DSC3: variants seen among roughly 807,000 people sequenced by gnomAD.
The protein encoded by DSC3 is desmocollin 3.
DSC3 carries 97 observed loss-of-function variants against 89.5 expected under a neutral mutation model. The ratio of observed to expected loss-of-function variants is 1.08; its 90% CI spans 0.92 to 1.28. The LOEUF (loss-of-function observed/expected upper bound fraction) is 1.28, where lower values mean the gene tolerates loss of function less well. DSC3 is among the 50% of genes most tolerant of loss of function. The pLI, the probability that DSC3 is intolerant of heterozygous loss-of-function variation, is 0.00. For synonymous variants in DSC3, 436 were observed against 384.1 expected (o/e 1.14, Z -1.58); for missense variants, 1,199 against 1,085.3 (o/e 1.10, Z -1.47).
intron 1 of DSC3, among the ~76,000 whole-genome samples, chr18:31,033,307 C>T (rs1040001202): frequency 2.0e-5 from 3 of 151,464 alleles, no homozygotes; most frequent in Non-Finnish European, 4.4e-5. Flanking sequence ...TACAAGTTAC[C>T]CAAATAAAAT....
chr18:31,007,925 A>G lies in DSC3; in HGVS notation c.1663+91T>C, dbSNP rs72922460. 7,547 of 1,201,812 alleles carry G rather than the reference A, an allele frequency of 6.3e-3. 34 individuals carry two copies. The highest frequency in any genetic ancestry group is 8.1e-3 in the Non-Finnish European group (6,791 of 836,912). The allele number at this position is 1,201,812 out of a possible 1,614,324, so 74.4% of individuals were successfully genotyped here. A position where few individuals can be genotyped will look rare whatever the true frequency, so the allele number is the denominator to read the frequency against. ...TTAAAGTAATTTCAAAGAATTCCATACACTTACCACCAAAATAAATCTGCA... is the reference window on the plus strand; with the variant it reads ...TTAAAGTAATTTCAAAGAATTCCATGCACTTACCACCAAAATAAATCTGCA... On this transcript the variant is annotated intron_variant, in intron 11 of 15. Coordinates refer to ENST00000360428, the MANE Select transcript of DSC3 (RefSeq NM_001941.5).
At chr18:31,028,414 G>T (rs1957606110) in intron 4 of DSC3, among the ~76,000 whole-genome samples, 2 of 152,104 alleles carry the variant, frequency 1.3e-5, no homozygotes, top group African/African-American at 2.4e-5. Flanking sequence ...GCAAAGCAAA[G>T]GCTAAAACTA....
chr18:31,002,700 C>CA (rs78660458), intron 13 of DSC3, among the ~76,000 whole-genome samples: 1,369 of 86,870 alleles, frequency 0.016, 17 homozygotes, highest in Middle Eastern at 0.051. Context: ...AACTCTGCCT[C>CA]AAAAAAAAAA....
chr18:31,028,897 C>T (rs1453289933), intron 4 of DSC3, among the ~76,000 whole-genome samples: 3 of 152,068 alleles, frequency 2.0e-5, no homozygotes, highest in African/African-American at 7.2e-5. Context: ...TGCTCCATTC[C>T]ATCAAACCTT....
intron 9 of DSC3, among the ~76,000 whole-genome samples, chr18:31,013,973 T>TGCC (rs1985153181): frequency 6.6e-6 from 1 of 152,158 alleles, no homozygotes; most frequent in Non-Finnish European, 1.5e-5. Context: ...TTTCCATTGA[T>TGCC]ATGGCCTAAA....
In DSC3 at chr18:30,992,299, T is replaced by C. The variant is rs920133788; in HGVS notation, c.*1876A>G. 2.0e-5 allele frequency: 3 copies of C among 152,164 alleles called. No homozygotes were observed. Among genetic ancestry groups the C allele is most frequent in the African/African-American group, 7.2e-5 (3 of 41,442 alleles). The allele number at this position is 152,164 out of a possible 1,614,324, so 9.4% of individuals were successfully genotyped here. ...TAGGCATTTAATTCATAGACCTTCT[T>C]AGTGCCCAGAAGGAGGGCTGCAGAA... On this transcript the variant is annotated 3_prime_UTR_variant, in exon 16 of 16. Transcript: ENST00000360428.
chr18:31,011,969 C>CAAAAAAA (rs371759932), intron 9 of DSC3, among the ~76,000 whole-genome samples: 2 of 51,578 alleles, frequency 3.9e-5, no homozygotes, highest in Non-Finnish European at 6.7e-5. Context: ...ACTCCATCTC[C>CAAAAAAA]AAAAAAAAAA....
chr18:31,011,969 CAAAAAAAA>C (rs371759932), intron 9 of DSC3, among the ~76,000 whole-genome samples: 1 of 51,578 alleles, frequency 1.9e-5, no homozygotes, highest in Middle Eastern at 0.017. Context: ...ACTCCATCTC[CAAAAAAAA>C]AAAAAAAAAA....
In DSC3 at chr18:31,022,662, G is replaced by GATA. The variant is rs147030023; in HGVS notation, c.776-163_776-161dup. On this transcript the variant is annotated intron_variant, in intron 6 of 15. Coordinates refer to ENST00000360428, the MANE Select transcript of DSC3 (RefSeq NM_001941.5). The stretch of plus-strand genomic sequence containing the variant: ...TTCATCTTTAGATAGGACTGAAGAG[G>GATA]ATAACTTCAAATTTATCACACATAA... 2.0e-3 allele frequency among the ~76,000 whole-genome samples: 308 copies of GATA among 152,138 alleles called. 2 individuals are homozygous for GATA. Among genetic ancestry groups the GATA allele is most frequent in the African/African-American group, 7.3e-3 (303 of 41,496 alleles).
At position 31,007,603 on chromosome 18, in the gene DSC3, G is replaced by T. The variant is rs1400428055; in HGVS notation, c.1663+413C>A. On this transcript the variant is annotated intron_variant, in intron 11 of 15. Transcript: ENST00000360428. ...TATTTTTATTTTAATGTGAAGACAAGGTTGAAAAACTCTAGGTTACTTTAA... is the reference window on the plus strand; with the variant it reads ...TATTTTTATTTTAATGTGAAGACAATGTTGAAAAACTCTAGGTTACTTTAA... 2.0e-5 allele frequency among the ~76,000 whole-genome samples: 3 copies of T among 152,030 alleles called. No homozygotes were observed. In the East Asian group the frequency reaches 5.8e-4, roughly 29 times the overall value.
intron 14 of DSC3, among the ~76,000 whole-genome samples, chr18:30,999,986 C>T (rs1039952029): frequency 6.6e-6 from 1 of 151,982 alleles, no homozygotes. Context: ...TCATCCATGC[C>T]GGTCTTAAAA....
chr18:31,029,487 A>G (rs1341736363), intron 4 of DSC3, 22 bp downstream of exon 4: 1 of 1,613,478 alleles, frequency 6.2e-7, no homozygotes, highest in South Asian at 1.1e-5. Flanking sequence ...AGCAACCCTG[A>G]CCAGAAAAGG....
At chr18:31,030,888 T>A in intron 3 of DSC3, 85 bp downstream of exon 3, 1 of 1,228,208 alleles carries the variant, frequency 8.1e-7, no homozygotes, top group Admixed American at 1.8e-5. Flanking sequence ...GAAAATACCC[T>A]ATTTATCCTT....
chr18:31,006,375 A>G (rs1984842591), intron 12 of DSC3, among the ~76,000 whole-genome samples: 1 of 151,990 alleles, frequency 6.6e-6, no homozygotes, highest in Non-Finnish European at 1.5e-5. Flanking sequence ...CTCTCAGCTC[A>G]CTGCAACTTC....
intron 15 of DSC3, 129 bp downstream of exon 15, chr18:30,996,662 G>A (rs368426215): frequency 7.0e-5 from 69 of 979,106 alleles, no homozygotes; most frequent in Non-Finnish European, 8.9e-5. Flanking sequence ...CAAAGAGCAC[G>A]GGAAAATGAA....
intron 1 of DSC3, among the ~76,000 whole-genome samples, chr18:31,037,302 A>G (rs950205029): frequency 6.6e-6 from 1 of 152,156 alleles, no homozygotes; most frequent in African/African-American, 2.4e-5. Context: ...TATTAGTTCT[A>G]GTATCTGTTA....
At chr18:31,012,192 A>C (rs1344711642) in intron 9 of DSC3, among the ~76,000 whole-genome samples, 1 of 152,144 alleles carries the variant, frequency 6.6e-6, no homozygotes, top group Admixed American at 6.5e-5. Context: ...ACTATGAATG[A>C]CTCAAAGGAA....
intron 9 of DSC3, among the ~76,000 whole-genome samples, chr18:31,010,974 T>A (rs28369293): frequency 0.019 from 2,948 of 152,328 alleles, 78 homozygotes; most frequent in African/African-American, 0.068. Flanking sequence ...TGCTGTTACG[T>A]TCAATATTAT....
intron 1 of DSC3, among the ~76,000 whole-genome samples, chr18:31,039,522 C>G (rs1218698990): frequency 6.6e-6 from 1 of 152,148 alleles, no homozygotes; most frequent in Middle Eastern, 3.2e-3. Flanking sequence ...GGAAATATTA[C>G]CTTTCAAATT....
Sources: gnomAD v4.1 joint callset for allele counts (sites outside exome capture counted in the v4.1 genomes callset) on GRCh38, gnomAD v4.1.1 for gene constraint, MANE v1.5 for transcripts, NCBI Gene and HGNC (gene_info 2026-07-23, HGNC 2026-07-21) for gene names.